The following SNX29 variants were observed in gnomAD, a reference collection of about 807,000 sequenced individuals.
SNX29 encodes the protein sorting nexin 29.
Under a neutral mutation model 102.1 loss-of-function variants are expected in SNX29, and 78 were observed. The observed-to-expected ratio is 0.76, with a 90% CI of 0.64 to 0.92. The LOEUF is 0.92. Among genes scored for constraint, SNX29 ranks in the 40% least tolerant of loss-of-function variants. SNX29 has a pLI of 0.00. For missense variants in SNX29, 1,280 were observed against 1,061.7 expected, an observed-to-expected ratio of 1.21 and a Z score of -2.86; for synonymous variants, 580 against 414.5, an observed-to-expected ratio of 1.40 and a Z score of -4.85.
intron 11 of SNX29, among the ~76,000 whole-genome samples, chr16:12,112,931 T>C (rs16958983): frequency 0.19 from 29,596 of 152,172 alleles, 3,318 homozygotes; most frequent in Middle Eastern, 0.27. Flanking sequence ...ACTGGATTCA[T>C]TGGAGCACCT....
chr16:12,344,839 G>A (rs1423118895), intron 15 of SNX29, among the ~76,000 whole-genome samples: 1 of 152,200 alleles, frequency 6.6e-6, no homozygotes, highest in African/African-American at 2.4e-5. Context: ...GAAATCAATA[G>A]CCGTCCTCTG....
chr16:12,385,099 G>A (rs933106906), intron 16 of SNX29, among the ~76,000 whole-genome samples: 1 of 152,216 alleles, frequency 6.6e-6, no homozygotes, highest in South Asian at 2.1e-4. Flanking sequence ...GAACCCGGGA[G>A]GCAGAGGTTG....
chr16:12,560,832 G>C (rs978062039), intron 20 of SNX29: 1 of 180,656 alleles, frequency 5.5e-6, no homozygotes, highest in Non-Finnish European at 1.2e-5. Flanking sequence ...ATTTCACATG[G>C]CCGGCTTAAG....
intron 20 of SNX29, among the ~76,000 whole-genome samples, chr16:12,543,045 G>A (rs1397640848): frequency 6.6e-6 from 1 of 152,172 alleles, no homozygotes; most frequent in African/African-American, 2.4e-5. Context: ...CTCAAAAAGT[G>A]TCACCAGGAC....
chr16:12,332,078 A>AT (rs2081306158), intron 15 of SNX29, among the ~76,000 whole-genome samples: 1 of 152,052 alleles, frequency 6.6e-6, no homozygotes, highest in African/African-American at 2.4e-5. Context: ...AATAATAATA[A>AT]AGAAATAATT....
At chr16:12,568,408 C>T (rs972681367) in intron 20 of SNX29, 98 bp from the exon 21 acceptor site, 2 of 1,502,824 alleles carry the variant, frequency 1.3e-6, no homozygotes, top group Admixed American at 3.8e-5. Flanking sequence ...AGTTGCCAAT[C>T]AGATCCCTCC....
chr16:12,115,846 G>C (rs1201016395), intron 11 of SNX29, among the ~76,000 whole-genome samples: 1 of 152,176 alleles, frequency 6.6e-6, no homozygotes, highest in Non-Finnish European at 1.5e-5. Context: ...GGAGAAGTGA[G>C]TGAGCCTCTT....
At chr16:12,001,953 G>A (rs1004372171) in intron 2 of SNX29, among the ~76,000 whole-genome samples, 1 of 151,690 alleles carries the variant, frequency 6.6e-6, no homozygotes, top group East Asian at 1.9e-4. Flanking sequence ...CTAGGTATTC[G>A]AGATTACCAT....
Position 12,042,919 on chromosome 16 carries a change from G to C in SNX29, c.270G>C (p.Val90=). Reference sequence around the variant, plus strand: ...TAGAGCCCGTGTTCTGGTACTACGTGAAGGAGGTCCTCAACAAGCACGAGC... The same window carrying C: ...TAGAGCCCGTGTTCTGGTACTACGTCAAGGAGGTCCTCAACAAGCACGAGC... ...TETEPVFWYY[V]KEVLNKHELQ... The change falls in exon 5 of 21, where the codon GTG becomes GTC. Residue 90 remains valine, a synonymous_variant. Transcript: ENST00000566228. 6.2e-7 allele frequency: 1 copy of C among 1,612,756 alleles called. No individual in the cohort carries two copies.
chr16:12,406,419 G>A (rs1009217778), intron 18 of SNX29, among the ~76,000 whole-genome samples: 2 of 152,152 alleles, frequency 1.3e-5, no homozygotes, highest in Non-Finnish European at 2.9e-5. Flanking sequence ...CTACATTCCC[G>A]TGACAGCCAC....
At chr16:12,393,631 T>A (rs547976741) in intron 16 of SNX29, among the ~76,000 whole-genome samples, 72 of 152,230 alleles carry the variant, frequency 4.7e-4, no homozygotes, top group African/African-American at 1.5e-3. Flanking sequence ...CACTGTTTAG[T>A]TCTGGTGGTC....
Position 12,378,074 on chromosome 16 carries a change from A to G in SNX29, c.1900-20372A>G, listed in dbSNP as rs551247513. ...CTCTGCAAAACAAGGAATTTTTTATATTAGATACTAAGAAAGTCCAGAGGT... is the reference window on the plus strand; with the variant it reads ...CTCTGCAAAACAAGGAATTTTTTATGTTAGATACTAAGAAAGTCCAGAGGT... On this transcript the variant is annotated intron_variant, in intron 16 of 20. Coordinates refer to ENST00000566228, the MANE Select transcript of SNX29 (RefSeq NM_032167.5). Among the ~76,000 whole-genome samples the G allele has an allele frequency of 2.5e-3, 385 of 152,322 alleles. 4 individuals are homozygous for G. The highest frequency in any genetic ancestry group is 8.9e-3 in the African/African-American group (370 of 41,568).
rs141498688 is a variant in SNX29 at position 12,334,079 on chromosome 16, C to G, written c.1783-22084C>G. ...AAGCGAAAACATGGCTCATCCCTTT[C>G]AGCTAGACGTAGGGAAACACTTCAA... On this transcript the variant is annotated intron_variant, in intron 15 of 20. Transcript: ENST00000566228. Among the ~76,000 whole-genome samples, 287 of 152,298 alleles carry G rather than the reference C, an allele frequency of 1.9e-3. 1 individual carries two copies. The highest frequency in any genetic ancestry group is 6.3e-3 in the African/African-American group (262 of 41,568).
chr16:12,066,837 G>A (rs904319500), intron 9 of SNX29, among the ~76,000 whole-genome samples: 2 of 151,878 alleles, frequency 1.3e-5, no homozygotes, highest in Admixed American at 6.6e-5. Context: ...TCTGTTATGG[G>A]GTGAGTTGAT....
chr16:12,074,552 T>C (rs1297313048), intron 10 of SNX29, among the ~76,000 whole-genome samples: 1 of 152,216 alleles, frequency 6.6e-6, no homozygotes, highest in Non-Finnish European at 1.5e-5. Flanking sequence ...TCTGATGGGC[T>C]TCCTTTTGTG....
chr16:12,553,225 G>T (rs539500318), intron 20 of SNX29, among the ~76,000 whole-genome samples: 2 of 152,252 alleles, frequency 1.3e-5, no homozygotes, highest in Admixed American at 1.3e-4. Flanking sequence ...TCGCAGATGG[G>T]GACTTGAGAA....
chr16:12,220,053 T>C (rs1234970777), intron 14 of SNX29, among the ~76,000 whole-genome samples: 1 of 152,248 alleles, frequency 6.6e-6, no homozygotes, highest in African/African-American at 2.4e-5. Context: ...CCTTGAAAAC[T>C]GATTCTGCTG....
At chr16:12,262,317 T>C (rs2078798923) in intron 14 of SNX29, among the ~76,000 whole-genome samples, 1 of 152,204 alleles carries the variant, frequency 6.6e-6, no homozygotes, top group African/African-American at 2.4e-5. Flanking sequence ...GAGGTGACTG[T>C]TCAGGGTCAC....
rs1020830476 is a variant in SNX29 at position 12,046,057 on chromosome 16, C to G, written c.429-327C>G. On this transcript the variant is annotated intron_variant, in intron 5 of 20. Coordinates refer to ENST00000566228, the MANE Select transcript of SNX29 (RefSeq NM_032167.5). ...GCAGGCTTGGATTTCCTGTCTGTCTCTTGGGGACGTTGCTTGAGTGGAAGT... is the reference window on the plus strand; with the variant it reads ...GCAGGCTTGGATTTCCTGTCTGTCTGTTGGGGACGTTGCTTGAGTGGAAGT... Among the ~76,000 whole-genome samples, 3 of 152,322 alleles carry G rather than the reference C, an allele frequency of 2.0e-5. No homozygotes were observed. In the South Asian group the frequency reaches 6.2e-4, roughly 32 times the overall value.
Sources: gnomAD v4.1 joint callset for allele counts (sites outside exome capture counted in the v4.1 genomes callset) on GRCh38, gnomAD v4.1.1 for gene constraint, MANE v1.5 for transcripts, NCBI Gene and HGNC (gene_info 2026-07-23, HGNC 2026-07-21) for gene names.